The following ANO2 variants were observed in gnomAD, a reference collection of about 807,000 sequenced individuals.
The protein encoded by ANO2 is anoctamin-2.
ANO2 carries 101 observed loss-of-function variants against 124.2 expected under a neutral mutation model. That is an observed-to-expected ratio of 0.81 (90% CI 0.69 to 0.96). The LOEUF is 0.96. Among genes scored for constraint, ANO2 ranks in the 40% least tolerant of loss-of-function variants. The probability of loss-of-function intolerance (pLI) is 0.00; values close to 1 mark genes in which losing one functional copy is unlikely to be tolerated. For synonymous variants in ANO2, 486 were observed against 482.5 expected (o/e 1.01, Z -0.09); for missense variants, 1,293 against 1,274.5 (o/e 1.01, Z -0.22).
At chr12:5,735,048 C>T (rs888026481) in intron 13 of ANO2, among the ~76,000 whole-genome samples, 3 of 152,226 alleles carry the variant, frequency 2.0e-5, no homozygotes, top group Non-Finnish European at 4.4e-5. Flanking sequence ...TCAGCTGAAG[C>T]AGGCCTGACA....
In ANO2 at chr12:5,854,398, CAA is replaced by C. The variant is rs56030072; in HGVS notation, c.535-259_535-258del. Among the ~76,000 whole-genome samples, 65 of 76,106 alleles carry C rather than the reference CAA, an allele frequency of 8.5e-4. 1 individual carries two copies. Among genetic ancestry groups the C allele is most frequent in the African/African-American group, 3.0e-3 (50 of 16,866 alleles). The allele number at this position is 76,106 out of a possible 152,430, so 49.9% of individuals were successfully genotyped here. On this transcript the variant is annotated intron_variant, in intron 3 of 24. Transcript: ENST00000682330. ...CCCTGGAAGTTTGGTAGCTTCAGAG[CAA>C]AAAAAAAAAAAAAAAAAAAACAAGT...
chr12:5,603,647 A>G (rs1452540050), intron 19 of ANO2, among the ~76,000 whole-genome samples: 1 of 152,204 alleles, frequency 6.6e-6, no homozygotes, highest in African/African-American at 2.4e-5. Context: ...CATAGAGTAC[A>G]ATCAAGAAAA....
At chr12:5,824,606 C>A (rs1206834648) in intron 7 of ANO2, among the ~76,000 whole-genome samples, 1 of 152,210 alleles carries the variant, frequency 6.6e-6, no homozygotes, top group Non-Finnish European at 1.5e-5. Flanking sequence ...TCCAAACTTT[C>A]CCACATTTTC....
At chr12:5,810,119 C>G (rs976152656) in intron 7 of ANO2, among the ~76,000 whole-genome samples, 1 of 152,156 alleles carries the variant, frequency 6.6e-6, no homozygotes, top group Non-Finnish European at 1.5e-5. Context: ...TTTCTCTGTT[C>G]CCTCTAGCTG....
At chr12:5,721,189 A>G (rs1156747409) in intron 14 of ANO2, among the ~76,000 whole-genome samples, 7 of 152,180 alleles carry the variant, frequency 4.6e-5, no homozygotes, top group African/African-American at 1.7e-4. Context: ...CCTACCATGC[A>G]CACTCACATA....
At chr12:5,637,081 G>A (rs1348258481) in intron 15 of ANO2, among the ~76,000 whole-genome samples, 10 of 151,340 alleles carry the variant, frequency 6.6e-5, no homozygotes, top group Non-Finnish European at 1.2e-4. Flanking sequence ...GTGGGGGTGG[G>A]GAGCGGCAGA....
chr12:5,801,944 G>T (rs1034681082), intron 9 of ANO2, among the ~76,000 whole-genome samples: 1 of 152,324 alleles, frequency 6.6e-6, no homozygotes, highest in Non-Finnish European at 1.5e-5. Context: ...ATCATTTGTT[G>T]CCCAAAGGGA....
intron 14 of ANO2, among the ~76,000 whole-genome samples, chr12:5,672,983 T>C (rs766673245): frequency 6.6e-6 from 1 of 152,168 alleles, no homozygotes; most frequent in Middle Eastern, 3.2e-3. Context: ...AATATATCCA[T>C]GGGGAGGAAT....
intron 1 of ANO2, 33 bp from the exon 2 acceptor site, chr12:5,922,837 G>C: frequency 7.5e-6 from 11 of 1,463,414 alleles, no homozygotes; most frequent in Non-Finnish European, 9.9e-6. Flanking sequence ...AGGCAAAACA[G>C]CCTCAGGTGA....
At chr12:5,903,670 T>TGG (rs999979029) in intron 3 of ANO2, among the ~76,000 whole-genome samples, 5 of 151,716 alleles carry the variant, frequency 3.3e-5, no homozygotes, top group African/African-American at 1.2e-4. Flanking sequence ...TGTGTGTGTG[T>TGG]GTGTGTGGGT....
rs754768681 is a variant in ANO2 at position 5,922,717 on chromosome 12, C to T, written c.110G>A (p.Cys37Tyr). ...GGCCCGGGGACCTGGCATCTTGAGA[C>T]ACTGCTGTCCATGTTTGGGGCCCTG... Reference protein sequence around the residue: ...GGQGPKHGQQCLKMPGPRAPG... With the variant: ...GGQGPKHGQQYLKMPGPRAPG... The change falls in exon 2 of 25, where the codon TGT becomes TAT. Residue 37 changes from cysteine (C) to tyrosine (Y), a missense_variant. Cys to Tyr is a radical substitution (Grantham distance 194). Transcript: ENST00000682330. The T allele has an allele frequency of 8.1e-6, 13 of 1,599,806 alleles. No homozygotes were observed. The highest frequency in any genetic ancestry group is 2.7e-5 in the African/African-American group (2 of 74,796).
At chr12:5,699,626 A>G (rs1045223657) in intron 14 of ANO2, among the ~76,000 whole-genome samples, 7 of 152,226 alleles carry the variant, frequency 4.6e-5, no homozygotes, top group Non-Finnish European at 8.8e-5. Context: ...TAAATGCTCC[A>G]GTTAAAAGAC....
At chr12:5,733,015 G>C (rs1950709497) in intron 13 of ANO2, 2 of 982,086 alleles carry the variant, frequency 2.0e-6, no homozygotes, top group South Asian at 2.8e-5. Context: ...ACTATCGTCA[G>C]ACCTCAAACT....
chr12:5,799,813 G>A (rs1019532526), intron 9 of ANO2, among the ~76,000 whole-genome samples: 4 of 152,098 alleles, frequency 2.6e-5, no homozygotes, highest in Non-Finnish European at 4.4e-5. Flanking sequence ...GCAGAACCCC[G>A]TCTTCTTTAT....
chr12:5,714,632 TCTC>T (rs1272278068), intron 14 of ANO2, among the ~76,000 whole-genome samples: 1 of 152,196 alleles, frequency 6.6e-6, no homozygotes, highest in Non-Finnish European at 1.5e-5. Context: ...TGCTCCTCTT[TCTC>T]CTCCTATTCT....
chr12:5,847,442 CCT>C (rs201343392), intron 4 of ANO2, among the ~76,000 whole-genome samples: 2,698 of 88,636 alleles, frequency 0.03, 73 homozygotes, highest in African/African-American at 0.086. Context: ...CCTCATAACA[CCT>C]CTGTGTGTGT....
chr12:5,939,213 CAAAAA>C (rs34787622), intron 1 of ANO2, among the ~76,000 whole-genome samples: 7 of 86,178 alleles, frequency 8.1e-5, no homozygotes, highest in Admixed American at 1.6e-4. Context: ...AAGACTCCAA[CAAAAA>C]AAAAAAAAAA....
chr12:5,567,338 G>A (rs926399802), intron 23 of ANO2, among the ~76,000 whole-genome samples: 2 of 152,234 alleles, frequency 1.3e-5, no homozygotes, highest in Admixed American at 6.5e-5. Flanking sequence ...GAGAGGGAGA[G>A]CGTGGCTAAA....
intron 14 of ANO2, among the ~76,000 whole-genome samples, chr12:5,686,128 G>A (rs1948696055): frequency 6.6e-6 from 1 of 152,116 alleles, no homozygotes; most frequent in South Asian, 2.1e-4. Flanking sequence ...CAAGTCCCGG[G>A]TAGCTCTCGA....
Sources: allele counts gnomAD v4.1 joint callset (sites outside exome capture counted in the v4.1 genomes callset), GRCh38; gene constraint gnomAD v4.1.1; transcripts MANE v1.5; gene names NCBI Gene and HGNC (gene_info 2026-07-23, HGNC 2026-07-21).